The following AP1S3 variants were observed in gnomAD, a reference collection of about 807,000 sequenced individuals.
AP1S3 encodes the protein adaptor related protein complex 1 subunit sigma 3.
A neutral mutation model predicts 20.9 loss-of-function variants in AP1S3; 10 were observed. The observed-to-expected ratio is 0.48, with a 90% CI of 0.29 to 0.81. The LOEUF is 0.81. Ranked by LOEUF, AP1S3 falls within the 30% of genes least tolerant of loss-of-function variation. The pLI is 0.08. For synonymous variants in AP1S3, 41 were observed against 61.5 expected, an observed-to-expected ratio of 0.67 and a Z score of 1.56; for missense variants, 154 against 183.8, an observed-to-expected ratio of 0.84 and a Z score of 0.94.
intron 1 of AP1S3, among the ~76,000 whole-genome samples, chr2:223,779,051 G>C (rs1246966666): frequency 6.6e-6 from 1 of 152,100 alleles, no homozygotes; most frequent in Non-Finnish European, 1.5e-5. Context: ...GAGAGCTTTA[G>C]AATCAACCAT....
intron 1 of AP1S3, among the ~76,000 whole-genome samples, chr2:223,791,973 A>G (rs1691224836): frequency 6.6e-6 from 1 of 151,356 alleles, no homozygotes; most frequent in African/African-American, 2.4e-5. Context: ...ACAGCTAACA[A>G]AAACCACTGC....
rs1691138360 is a variant in AP1S3, at chr2:223,788,800, A to G, written c.4-10931T>C. Among the ~76,000 whole-genome samples the G allele has an allele frequency of 2.0e-5, 3 of 150,936 alleles. No individual in the cohort carries two copies. The South Asian group carries it at 6.3e-4, about 31-fold the overall frequency. On this transcript the variant is annotated intron_variant, in intron 1 of 4. Transcript: ENST00000396654. ...AAAAAAAGAAGAAGAAGAAGAAGAG[A>G]TATTTGCAGATGCCTGCCACCCTCC...
rs1451842435 is a variant in AP1S3 at position 223,778,110 on chromosome 2, TGTTTTTTTTG to T, written c.4-251_4-242del. On this transcript the variant is annotated intron_variant, in intron 1 of 4. Transcript: ENST00000396654. ...TATAGGAGAAAAATAAGTTTTTTTT[TGTTTTTTTTG>T]TTTGTTTGTTTGTTTGTTTTTTTGA... is the stretch of plus-strand genomic sequence containing the variant. Among the ~76,000 whole-genome samples the T allele has an allele frequency of 5.5e-4, 83 of 150,936 alleles. 1 individual carries two copies. The highest frequency in any genetic ancestry group is 1.8e-3 in the African/African-American group (73 of 40,400).
chr2:223,764,080 G>A lies in AP1S3; in HGVS notation c.429+1133C>T, dbSNP rs181887063. On this transcript the variant is annotated intron_variant, in intron 4 of 4. Transcript: ENST00000396654. Reference sequence around the variant, plus strand: ...ATTACAGGCACACATCCCCATGCCCGGCTAATTTTTGTGTTGTTAGTAGAG... The same window carrying A: ...ATTACAGGCACACATCCCCATGCCCAGCTAATTTTTGTGTTGTTAGTAGAG... 6.4e-4 allele frequency among the ~76,000 whole-genome samples: 97 copies of A among 152,120 alleles called. 1 individual carries two copies. The highest frequency in any genetic ancestry group is 2.0e-3 in the African/African-American group (84 of 41,534).
intron 4 of AP1S3, 77 bp downstream of exon 4, chr2:223,765,136 G>T (rs1574685310): frequency 1.3e-6 from 2 of 1,559,118 alleles, no homozygotes; most frequent in Non-Finnish European, 1.7e-6. Flanking sequence ...CAGTAAGTCT[G>T]GTTAATATTA....
chr2:223,763,630 A>T (rs965884153), intron 4 of AP1S3, among the ~76,000 whole-genome samples: 6 of 152,208 alleles, frequency 3.9e-5, no homozygotes, highest in Admixed American at 3.3e-4. Context: ...GAGACAGCCA[A>T]ATCAACATCA....
chr2:223,818,254 T>A (rs941761370), intron 1 of AP1S3, among the ~76,000 whole-genome samples: 6 of 151,942 alleles, frequency 3.9e-5, no homozygotes, highest in African/African-American at 1.2e-4. Context: ...CAGTCTCTAC[T>A]AAAAATATAA....
chr2:223,837,428 G>A lies in AP1S3; in HGVS notation c.3+20C>T, dbSNP rs1044686578. On this transcript the variant is annotated intron_variant, in intron 1 of 4. Coordinates refer to ENST00000396654, the MANE Select transcript of AP1S3 (RefSeq NM_001039569.2). ...AGCGCCCCCACCGCCTACCCGGGCC[G>A]GCGGTTCCCCCGCACTCACCATCGT... is the stretch of plus-strand genomic sequence containing the variant. 23 of 1,222,896 alleles carry A rather than the reference G, an allele frequency of 1.9e-5. No homozygotes were observed. Among genetic ancestry groups the A allele is most frequent in the African/African-American group, 3.1e-5 (2 of 63,518 alleles). The allele number at this position is 1,222,896 out of a possible 1,614,324, so 75.8% of individuals were successfully genotyped here. A position where few individuals can be genotyped will look rare whatever the true frequency, so the allele number is the denominator to read the frequency against.
intron 1 of AP1S3, among the ~76,000 whole-genome samples, chr2:223,820,549 C>CAA (rs56382461): frequency 2.2e-4 from 33 of 146,936 alleles, no homozygotes; most frequent in Non-Finnish European, 3.0e-4. Context: ...CCCTATCATC[C>CAA]AAAAAAAAAA....
intron 3 of AP1S3, among the ~76,000 whole-genome samples, chr2:223,766,278 GT>G (rs899819149): frequency 3.9e-5 from 6 of 151,940 alleles, no homozygotes; most frequent in African/African-American, 9.7e-5. Context: ...TGATGGGGTT[GT>G]TTTTTTTCTT....
chr2:223,770,747 G>A (rs1394805203), intron 3 of AP1S3, among the ~76,000 whole-genome samples: 1 of 32,366 alleles, frequency 3.1e-5, no homozygotes, highest in Non-Finnish European at 5.6e-5. Flanking sequence ...TTTTTTTTTT[G>A]GAAACAGTCT....
intron 1 of AP1S3, among the ~76,000 whole-genome samples, chr2:223,792,385 C>T (rs1451585837): frequency 1.3e-5 from 2 of 152,074 alleles, no homozygotes; most frequent in African/African-American, 4.8e-5. Flanking sequence ...TAAGACCTCA[C>T]ACCTACAACC....
At chr2:223,824,151 C>A (rs2106128062) in intron 1 of AP1S3, among the ~76,000 whole-genome samples, 1 of 151,950 alleles carries the variant, frequency 6.6e-6, no homozygotes. Flanking sequence ...ATCACCACAC[C>A]CAGACACCCA....
chr2:223,801,690 C>T (rs1170797024), intron 1 of AP1S3, among the ~76,000 whole-genome samples: 3 of 152,066 alleles, frequency 2.0e-5, no homozygotes, highest in Non-Finnish European at 2.9e-5. Context: ...GTGGTCTGCC[C>T]GCCTCGGCCT....
rs551983714 is a variant in AP1S3, at chr2:223,821,035, C to T, written c.3+16413G>A. On this transcript the variant is annotated intron_variant, in intron 1 of 4. Coordinates refer to ENST00000396654, the MANE Select transcript of AP1S3 (RefSeq NM_001039569.2). ...AGCCTCCCAACCATACATTCATCTT[C>T]CATGCTCTTGAGAGAAACCCTCTAT... Among the ~76,000 whole-genome samples, 5 of 152,318 alleles carry T rather than the reference C, an allele frequency of 3.3e-5. No individual in the cohort carries two copies. The East Asian group carries it at 5.8e-4, about 18-fold the overall frequency.
At chr2:223,832,135 C>CTCTCTGTGTGTG (rs1327430961) in intron 1 of AP1S3, among the ~76,000 whole-genome samples, 2 of 70,738 alleles carry the variant, frequency 2.8e-5, no homozygotes, top group African/African-American at 8.4e-5. Flanking sequence ...AGTTTTCTCT[C>CTCTCTGTGTGTG]TGTGTGTGTG....
At chr2:223,773,578 T>G (rs1450192059) in intron 3 of AP1S3, among the ~76,000 whole-genome samples, 1 of 152,136 alleles carries the variant, frequency 6.6e-6, no homozygotes, top group Admixed American at 6.5e-5. Context: ...ACATTTTAGG[T>G]CTTAACAACA....
chr2:223,761,379 A>C (rs1248144041), intron 4 of AP1S3, among the ~76,000 whole-genome samples: 1 of 152,208 alleles, frequency 6.6e-6, no homozygotes, highest in Non-Finnish European at 1.5e-5. Flanking sequence ...GCCTGCATCC[A>C]CACGAGGGCA....
At chr2:223,763,502 C>T (rs1194522648) in intron 4 of AP1S3, among the ~76,000 whole-genome samples, 1 of 151,838 alleles carries the variant, frequency 6.6e-6, no homozygotes, top group African/African-American at 2.4e-5. Flanking sequence ...AAAAAAAAAC[C>T]TCCACCCCCT....
Sources: allele counts gnomAD v4.1 joint callset (sites outside exome capture counted in the v4.1 genomes callset), GRCh38; gene constraint gnomAD v4.1.1; transcripts MANE v1.5; gene names NCBI Gene and HGNC (gene_info 2026-07-23, HGNC 2026-07-21).